Variants in CNTLN observed in about 807,000 individuals in gnomAD.
CNTLN encodes the protein centlein.
Under a neutral mutation model 180.0 loss-of-function variants are expected in CNTLN, and 212 were observed. That is an observed-to-expected ratio of 1.18 (90% CI 1.05 to 1.32). CNTLN has a LOEUF of 1.32. Among genes scored for constraint, CNTLN ranks in the 40% most tolerant of loss-of-function variants. The pLI, the probability that CNTLN is intolerant of heterozygous loss-of-function variation, is 0.00. For missense variants in CNTLN, 2,095 were observed against 1,610.9 expected (o/e 1.30, Z -5.14); for synonymous variants, 722 against 563.1 (o/e 1.28, Z -3.99).
intron 23 of CNTLN, among the ~76,000 whole-genome samples, chr9:17,470,322 T>C (rs1831987071): frequency 1.3e-5 from 2 of 151,954 alleles, no homozygotes; most frequent in African/African-American, 4.8e-5. Context: ...GGAATGCACA[T>C]GGTACCTACA....
At chr9:17,410,389 G>A (rs886216705) in intron 16 of CNTLN, among the ~76,000 whole-genome samples, 5 of 152,192 alleles carry the variant, frequency 3.3e-5, no homozygotes, top group African/African-American at 1.2e-4. Flanking sequence ...CAAATGAGTT[G>A]TCTGTATTTT....
At chr9:17,281,456 C>T (rs974918609) in intron 6 of CNTLN, among the ~76,000 whole-genome samples, 1 of 152,114 alleles carries the variant, frequency 6.6e-6, no homozygotes, top group South Asian at 2.1e-4. Flanking sequence ...CACCACCCTC[C>T]CCACTGACAG....
intron 5 of CNTLN, among the ~76,000 whole-genome samples, chr9:17,267,970 C>A (rs1587419498): frequency 3.3e-5 from 5 of 151,938 alleles, no homozygotes; most frequent in Non-Finnish European, 5.9e-5. Flanking sequence ...AACTTCTTTC[C>A]CATTGGTTTG....
At chr9:17,439,776 C>A (rs894947695) in intron 18 of CNTLN, among the ~76,000 whole-genome samples, 2 of 152,086 alleles carry the variant, frequency 1.3e-5, no homozygotes, top group African/African-American at 4.8e-5. Context: ...AGGGCGGGGC[C>A]CCCATGATGG....
the CNTLN span, among the ~76,000 whole-genome samples, chr9:17,525,339 T>A: frequency 0.23 from 34,909 of 152,076 alleles, 4,335 homozygotes; most frequent in Middle Eastern, 0.34. Flanking sequence ...CACTAAATTA[T>A]GTTTCTTTTT....
At chr9:17,469,926 A>T (rs1231958963) in intron 23 of CNTLN, among the ~76,000 whole-genome samples, 7 of 152,018 alleles carry the variant, frequency 4.6e-5, no homozygotes. Context: ...ATGGAACATA[A>T]GCGAAGTGAG....
chr9:17,136,444 C>T (rs1424991613), intron 1 of CNTLN, among the ~76,000 whole-genome samples: 1 of 152,212 alleles, frequency 6.6e-6, no homozygotes, highest in African/African-American at 2.4e-5. Context: ...ATTCTCCAGC[C>T]TCAGCCTCCC....
At chr9:17,162,495 T>C (rs1160452684) in intron 2 of CNTLN, among the ~76,000 whole-genome samples, 2 of 152,224 alleles carry the variant, frequency 1.3e-5, no homozygotes, top group Admixed American at 1.3e-4. Flanking sequence ...TAAGTTCCTA[T>C]ACTTTGTTAC....
chr9:17,312,553 A>ATTTTTTTTTTTTTTTTT (rs56915301), intron 8 of CNTLN, among the ~76,000 whole-genome samples: 1 of 100,424 alleles, frequency 1.0e-5, no homozygotes, highest in Non-Finnish European at 2.0e-5. Flanking sequence ...AGCCCGGCTA[A>ATTTTTTTTTTTTTTTTT]TTTTTTTTTT....
intron 13 of CNTLN, among the ~76,000 whole-genome samples, chr9:17,386,130 C>G (rs1174332734): frequency 6.6e-6 from 1 of 150,742 alleles, no homozygotes; most frequent in Non-Finnish European, 1.5e-5. Flanking sequence ...AGGGAAAAAA[C>G]AATGATAATA....
intron 8 of CNTLN, among the ~76,000 whole-genome samples, chr9:17,324,879 G>A (rs1041504465): frequency 1.3e-4 from 19 of 151,940 alleles, no homozygotes; most frequent in African/African-American, 3.9e-4. Context: ...TGTTATAAGC[G>A]GAGATGGTGA....
intron 23 of CNTLN, among the ~76,000 whole-genome samples, chr9:17,471,913 C>G (rs10732337): frequency 0.8 from 121,362 of 151,942 alleles, 51,052 homozygotes; most frequent in Non-Finnish European, 0.91. Context: ...CATGTAAATA[C>G]AAGGCAAGTG....
intron 2 of CNTLN, among the ~76,000 whole-genome samples, chr9:17,160,126 C>T (rs1819577665): frequency 6.6e-6 from 1 of 152,284 alleles, no homozygotes; most frequent in Non-Finnish European, 1.5e-5. Context: ...ATTTTTTCTA[C>T]ATTCCTGGCC....
At chr9:17,331,022 A>G (rs939319278) in intron 9 of CNTLN, among the ~76,000 whole-genome samples, 2 of 152,024 alleles carry the variant, frequency 1.3e-5, no homozygotes, top group Non-Finnish European at 1.5e-5. Flanking sequence ...AGTTAATTAA[A>G]TATATTATTA....
intron 6 of CNTLN, among the ~76,000 whole-genome samples, chr9:17,287,210 G>T (rs534896440): frequency 0.02 from 2,979 of 150,908 alleles, 135 homozygotes; most frequent in African/African-American, 0.07. Context: ...AGAGTTTTTA[G>T]CATGAAGCGT....
chr9:17,419,249 C>G (rs1315658128), intron 18 of CNTLN, among the ~76,000 whole-genome samples: 3 of 152,004 alleles, frequency 2.0e-5, no homozygotes, highest in Non-Finnish European at 4.4e-5. Flanking sequence ...AAAGCAGGTA[C>G]TGTAAATATC....
At chr9:17,408,797 T>C (rs958984594) in intron 15 of CNTLN, among the ~76,000 whole-genome samples, 3 of 54,956 alleles carry the variant, frequency 5.5e-5, no homozygotes, top group African/African-American at 9.4e-5. Flanking sequence ...CGAGACTCTG[T>C]CTTAAAAAAA....
chr9:17,459,320 C>G (rs971201268), intron 19 of CNTLN, among the ~76,000 whole-genome samples: 3 of 151,698 alleles, frequency 2.0e-5, no homozygotes, highest in African/African-American at 7.3e-5. Flanking sequence ...GTTTTTACCC[C>G]ACATACAAAT....
intron 3 of CNTLN, among the ~76,000 whole-genome samples, chr9:17,227,211 G>A (rs932655952): frequency 6.6e-6 from 1 of 151,434 alleles, no homozygotes; most frequent in African/African-American, 2.4e-5. Context: ...TCAGCTTTGG[G>A]GATTACAATT....
Sources: gnomAD v4.1 joint callset for allele counts (sites outside exome capture counted in the v4.1 genomes callset) on GRCh38, gnomAD v4.1.1 for gene constraint, MANE v1.5 for transcripts, NCBI Gene and HGNC (gene_info 2026-07-23, HGNC 2026-07-21) for gene names.